GUCA1C: variants seen among roughly 807,000 people sequenced by gnomAD.
GUCA1C encodes guanylate cyclase activator 1C.
GUCA1C carries 15 observed loss-of-function variants against 16.2 expected under a neutral mutation model. That is an observed-to-expected ratio of 0.93 (90% CI 0.62 to 1.43). GUCA1C has a LOEUF of 1.43. Among genes scored for constraint, GUCA1C ranks in the 40% most tolerant of loss-of-function variants. GUCA1C has a pLI of 0.00. For missense variants in GUCA1C, 275 were observed against 244.8 expected (o/e 1.12, Z -0.82); for synonymous variants, 78 against 85.4 (o/e 0.91, Z 0.48).
At chr3:108,937,928 G>A (rs1387781401) in intron 1 of GUCA1C, among the ~76,000 whole-genome samples, 2 of 152,016 alleles carry the variant, frequency 1.3e-5, no homozygotes, top group African/African-American at 4.8e-5. Context: ...AAACTTAGCG[G>A]GGCGTGGTGG....
intron 3 of GUCA1C, among the ~76,000 whole-genome samples, chr3:108,911,161 A>G (rs1946449369): frequency 6.6e-6 from 1 of 152,166 alleles, no homozygotes; most frequent in South Asian, 2.1e-4. Context: ...GTAATAGAAT[A>G]GCTACCCAGG....
At chr3:108,921,441 T>A (rs1946568076) in intron 1 of GUCA1C, among the ~76,000 whole-genome samples, 1 of 152,192 alleles carries the variant, frequency 6.6e-6, no homozygotes, top group South Asian at 2.1e-4. Context: ...CTTAAGTTTT[T>A]AACCCCTTTG....
chr3:108,916,201 A>G lies in GUCA1C; in HGVS notation c.368T>C (p.Leu123Pro), dbSNP rs754319601. The G allele has an allele frequency of 5.3e-5, 86 of 1,613,414 alleles. No individual in the cohort carries two copies. Among genetic ancestry groups the G allele is most frequent in the Non-Finnish European group, 7.0e-5 (83 of 1,179,842 alleles). Residue 123 changes from leucine to proline, a missense_variant, in exon 3 of 4, where the codon CTC (leucine) becomes CCC (proline). Leu to Pro is a moderately conservative substitution (Grantham distance 98, BLOSUM62 -3). Transcript: ENST00000261047. ...AGGACTCAGAGTTTGCTGGCCATTG[A>G]GGGCTTGTACCGCCTGCAAAAAGAC... ...LLDMFMAVQA[L>P]NGQQTLSPEE...
chr3:108,916,490 A>G (rs1408600643), intron 2 of GUCA1C, among the ~76,000 whole-genome samples: 1 of 152,250 alleles, frequency 6.6e-6, no homozygotes, highest in Non-Finnish European at 1.5e-5. Context: ...CAATGAGCCC[A>G]TTGGAGAAAA....
chr3:108,914,544 A>G (rs991466816), intron 3 of GUCA1C, among the ~76,000 whole-genome samples: 1 of 152,172 alleles, frequency 6.6e-6, no homozygotes, highest in Non-Finnish European at 1.5e-5. Context: ...GATATTATTA[A>G]ACATTCTTGA....
chr3:108,947,740 T>C (rs1313011058), intron 1 of GUCA1C, among the ~76,000 whole-genome samples: 1 of 152,206 alleles, frequency 6.6e-6, no homozygotes, highest in African/African-American at 2.4e-5. Flanking sequence ...TTATAATTGC[T>C]GAAGCTGGGT....
chr3:108,913,177 T>C (rs1474177808), intron 3 of GUCA1C, among the ~76,000 whole-genome samples: 2 of 151,924 alleles, frequency 1.3e-5, no homozygotes, highest in East Asian at 3.9e-4. Context: ...TTGGTTTCAA[T>C]ATTCATTATA....
intron 1 of GUCA1C, among the ~76,000 whole-genome samples, chr3:108,922,160 A>AACACAC (rs56788372): frequency 2.9e-3 from 151 of 52,106 alleles, no homozygotes; most frequent in Middle Eastern, 0.01. Context: ...CACATACACA[A>AACACAC]ACACACACAC....
chr3:108,924,217 G>A (rs150828444), intron 1 of GUCA1C, among the ~76,000 whole-genome samples: 2 of 151,872 alleles, frequency 1.3e-5, no homozygotes, highest in Non-Finnish European at 2.9e-5. Context: ...TGGGCATCTT[G>A]TCTTATTCTC....
chr3:108,920,380 G>A (rs1229041368), intron 2 of GUCA1C, 56 bp downstream of exon 2: 1 of 1,357,038 alleles, frequency 7.4e-7, no homozygotes, highest in East Asian at 2.3e-5. Flanking sequence ...CCATAGGAAG[G>A]GAAATTGGGT....
chr3:108,951,454 C>T (rs1039251018), intron 1 of GUCA1C, among the ~76,000 whole-genome samples: 71 of 152,022 alleles, frequency 4.7e-4, no homozygotes, highest in African/African-American at 1.4e-3. Flanking sequence ...AAAATAAAGT[C>T]GAACTTATAA....
chr3:108,916,142 C>A lies in GUCA1C; in HGVS notation c.427G>T (p.Asp143Tyr). 1.2e-6 allele frequency: 2 copies of A among 1,612,344 alleles called. No individual in the cohort carries two copies. The highest frequency in any genetic ancestry group is 1.1e-5 in the South Asian group (1 of 91,022). ...EFINLVFHKI[D>Y]INNDGELTLE... The stretch of plus-strand genomic sequence containing the variant: ...GCTCCATTACCATCATTGTTTATAT[C>A]GATCTTATGGAACACCAAGTTGATG... Residue 143 changes from aspartate to tyrosine, a missense_variant, in exon 3 of 4, where the codon GAT (aspartate) becomes TAT (tyrosine). Asp to Tyr is a radical substitution (Grantham distance 160). Coordinates refer to ENST00000261047, the MANE Select transcript of GUCA1C (RefSeq NM_005459.4).
At chr3:108,954,739 T>A (rs936044692), upstream of GUCA1C, among the ~76,000 whole-genome samples, 1 of 147,570 alleles carries the variant, frequency 6.8e-6, no homozygotes, top group African/African-American at 2.5e-5. Flanking sequence ...GTTCTCCTTT[T>A]TTTTTTTTTT....
At chr3:108,924,099 C>A (rs1343928763) in intron 1 of GUCA1C, among the ~76,000 whole-genome samples, 1 of 152,072 alleles carries the variant, frequency 6.6e-6, no homozygotes, top group Non-Finnish European at 1.5e-5. Flanking sequence ...CAGCAAGCAG[C>A]AACAATTTGA....
intron 1 of GUCA1C, among the ~76,000 whole-genome samples, chr3:108,931,701 T>A (rs967692322): frequency 2.6e-5 from 4 of 152,016 alleles, no homozygotes; most frequent in Non-Finnish European, 4.4e-5. Context: ...GGAAAAAAAT[T>A]ATTGTTTTCA....
At chr3:108,932,008 G>A (rs574917244) in intron 1 of GUCA1C, among the ~76,000 whole-genome samples, 44 of 151,196 alleles carry the variant, frequency 2.9e-4, no homozygotes, top group African/African-American at 9.0e-4. Context: ...CCACCACCAC[G>A]CCCAGGTAAT....
intron 1 of GUCA1C, among the ~76,000 whole-genome samples, chr3:108,935,534 G>GAAA (rs35237284): frequency 3.0e-3 from 431 of 144,082 alleles, no homozygotes; most frequent in African/African-American, 0.01. Flanking sequence ...ACTAAAAATA[G>GAAA]AAAAAAAAAA....
intron 2 of GUCA1C, among the ~76,000 whole-genome samples, chr3:108,916,491 T>C (rs1946517344): frequency 1.3e-5 from 2 of 152,178 alleles, no homozygotes; most frequent in South Asian, 4.2e-4. Context: ...AATGAGCCCA[T>C]TGGAGAAAAT....
At chr3:108,944,748 A>G (rs1946826796) in intron 1 of GUCA1C, among the ~76,000 whole-genome samples, 1 of 152,154 alleles carries the variant, frequency 6.6e-6, no homozygotes, top group South Asian at 2.1e-4. Context: ...ATTTTATTTA[A>G]TCACTCAGTA....
Sources: gnomAD v4.1 joint callset for allele counts (sites outside exome capture counted in the v4.1 genomes callset) on GRCh38, gnomAD v4.1.1 for gene constraint, MANE v1.5 for transcripts, NCBI Gene and HGNC (gene_info 2026-07-23, HGNC 2026-07-21) for gene names.